The following SNRNP200 variants were observed in gnomAD, a reference collection of about 807,000 sequenced individuals.
SNRNP200 encodes the protein U5 small nuclear ribonucleoprotein 200 kDa helicase.
Under a neutral mutation model 255.2 loss-of-function variants are expected in SNRNP200, and 66 were observed. The ratio of observed to expected loss-of-function variants is 0.26; its 90% CI spans 0.21 to 0.32. SNRNP200 has a LOEUF of 0.32. Ranked by LOEUF, SNRNP200 falls within the 10% of genes least tolerant of loss-of-function variation. The probability of loss-of-function intolerance (pLI) is 1.00; values close to 1 mark genes in which losing one functional copy is unlikely to be tolerated. For synonymous variants in SNRNP200, 939 were observed against 1,027.8 expected (o/e 0.91, Z 1.65); for missense variants, 1,585 against 2,749.8 (o/e 0.58, Z 9.47).
At chr2:96,304,525 CT>C (rs1460866902) in intron 2 of SNRNP200, among the ~76,000 whole-genome samples, 179 bp downstream of exon 2, 1 of 152,210 alleles carries the variant, frequency 6.6e-6, no homozygotes, top group East Asian at 1.9e-4. Flanking sequence ...TTATTTTCCA[CT>C]TGAGATGCAC....
Position 96,287,092 on chromosome 2 carries a change from C to G in SNRNP200, c.3553G>C (p.Glu1185Gln). Residue 1185 changes from glutamate (E) to glutamine (Q), a missense_variant, in exon 27 of 45, where the codon GAG becomes CAG. Physicochemically the swap from Glu to Gln is conservative, Grantham distance 29 (BLOSUM62 2). This residue lies in a region of SNRNP200 where 719 missense variants were observed against 1,091.1 expected (regional missense o/e 0.66). Coordinates refer to ENST00000323853, the MANE Select transcript of SNRNP200 (RefSeq NM_014014.5). This position sits in a 1 kb window ranked among gnomAD's most constrained non-coding sequence, Gnocchi z 5.7. Reference protein sequence around the residue: ...HKYVHLFPKLELSVHLQPITR... With the variant: ...HKYVHLFPKLQLSVHLQPITR... ...ATAGGCTGCAGGTGCACTGACAACT[C>G]CAACTTGGGAAACAGATGGACATAT... 6.2e-7 allele frequency: 1 copy of G among 1,614,100 alleles called. No individual in the cohort carries two copies. The highest frequency in any genetic ancestry group is 8.5e-7 in the Non-Finnish European group (1 of 1,179,952).
At chr2:96,296,473 C>T (rs997230983) in intron 13 of SNRNP200, 63 bp downstream of exon 13, 3 of 1,551,316 alleles carry the variant, frequency 1.9e-6, no homozygotes, top group African/African-American at 2.7e-5. Flanking sequence ...GAGGTCCAGG[C>T]CTGTCCACAA....
In SNRNP200 at chr2:96,293,462, A is replaced by G. The variant is rs748219000; in HGVS notation, c.1890T>C (p.Ala630=). The change falls in exon 15 of 45, where the codon GCT becomes GCC. Residue 630 remains alanine, a synonymous_variant. Transcript: ENST00000323853. ...TGTTTCGGATGGCCCTGGCCACTAA[A>G]GCTTCTAAGACAGGACCTCTGTCAT... ...LHDDRGPVLE[A]LVARAIRNIE... The G allele has an allele frequency of 1.6e-5, 25 of 1,612,728 alleles. No homozygotes were observed. Among genetic ancestry groups the G allele is most frequent in the African/African-American group, 2.7e-5 (2 of 74,904 alleles).
chr2:96,298,151 C>G, intron 9 of SNRNP200, 133 bp downstream of exon 9: 1 of 1,277,044 alleles, frequency 7.8e-7, no homozygotes, highest in Non-Finnish European at 1.1e-6. Context: ...AACCTGTATG[C>G]ACTGATAAAC....
Position 96,287,982 on chromosome 2 carries a change from G to C in SNRNP200, c.3259-13C>G, listed in dbSNP as rs780757267. On this transcript the variant is annotated splice_polypyrimidine_tract_variant and intron_variant, in intron 24 of 44. Coordinates refer to ENST00000323853, the MANE Select transcript of SNRNP200 (RefSeq NM_014014.5). The surrounding 1 kb of genome is among the most constrained non-coding windows in gnomAD (Gnocchi z 5.7). ...ACCGGCCAGCCGACTAAGCAAAGAA[G>C]CAGCATTCCCACTGTTAAGTCTCGA... is the stretch of plus-strand genomic sequence containing the variant. The C allele has an allele frequency of 6.2e-7, 1 of 1,612,328 alleles. No homozygotes were observed. The highest frequency in any genetic ancestry group is 1.1e-5 in the South Asian group (1 of 91,040).
At chr2:96,289,472 T>C (rs1343708860) in intron 21 of SNRNP200, 93 bp from the exon 22 acceptor site, 10 of 1,427,594 alleles carry the variant, frequency 7.0e-6, no homozygotes, top group Non-Finnish European at 8.8e-6. Flanking sequence ...AGGTTTTTTG[T>C]ACTTTTTTTT....
In SNRNP200 at chr2:96,278,732, T is replaced by A; in HGVS notation, c.5324-21A>T. The stretch of plus-strand genomic sequence containing the variant: ...GATGCCTATGGAGGCGAGAGGTGAG[T>A]GGGGAGCCTCAAGAAGATGCCCAGC... On this transcript the variant is annotated intron_variant, in intron 37 of 44. Transcript: ENST00000323853. The surrounding 1 kb of genome is among the most constrained non-coding windows in gnomAD (Gnocchi z 6.9). The A allele has an allele frequency of 6.2e-7, 1 of 1,613,968 alleles. No individual in the cohort carries two copies. Among genetic ancestry groups the A allele is most frequent in the Non-Finnish European group, 8.5e-7 (1 of 1,179,978 alleles).
Position 96,283,379 on chromosome 2 carries a change from T to G in SNRNP200, c.4764-27A>C. ...TGTGCGGTACAGGCACTGGCTCAGCTCAGAGTAGTTCAATTCCTGGCAGAC... is the reference window on the plus strand; with the variant it reads ...TGTGCGGTACAGGCACTGGCTCAGCGCAGAGTAGTTCAATTCCTGGCAGAC... On this transcript the variant is annotated intron_variant, in intron 33 of 44. Transcript: ENST00000323853. The surrounding 1 kb of genome is among the most constrained non-coding windows in gnomAD (Gnocchi z 4.7). The G allele has an allele frequency of 1.2e-6, 2 of 1,614,004 alleles. No individual in the cohort carries two copies. Among genetic ancestry groups the G allele is most frequent in the Middle Eastern group, 1.6e-4 (1 of 6,062 alleles).
chr2:96,296,861 A>G (rs1031229839), intron 12 of SNRNP200, 72 bp downstream of exon 12: 14 of 1,605,882 alleles, frequency 8.7e-6, no homozygotes, highest in African/African-American at 1.3e-5. Context: ...GGGGGTGGAA[A>G]TAAAAAACAA....
At chr2:96,299,504 CTAAAT>C in intron 5 of SNRNP200, 77 bp from the exon 6 acceptor site, 1 of 1,215,350 alleles carries the variant, frequency 8.2e-7, no homozygotes, top group South Asian at 1.2e-5. Flanking sequence ...TCAAGTCACC[CTAAAT>C]TAGCTCAATG....
At position 96,291,466 on chromosome 2, in the gene SNRNP200, C is replaced by G. The variant is rs975195869; in HGVS notation, c.2347G>C (p.Ala783Pro). The G allele has an allele frequency of 6.2e-7, 1 of 1,613,132 alleles. No homozygotes were observed. The highest frequency in any genetic ancestry group is 8.5e-7 in the Non-Finnish European group (1 of 1,179,226). ...ELKDLLPYGF[A>P]IHHAGMTRVD... ...CTGGTCATGCCTGCGTGATGAATAGCAAAGCCATAAGGCAGAAGATCCTTC... is the reference window on the plus strand; with the variant it reads ...CTGGTCATGCCTGCGTGATGAATAGGAAAGCCATAAGGCAGAAGATCCTTC... Residue 783 changes from alanine (A) to proline (P), a missense_variant, in exon 18 of 45, where the codon GCT becomes CCT. By Grantham distance (27) the Ala-to-Pro change is conservative. Transcript: ENST00000323853. This position sits in a 1 kb window ranked among gnomAD's most constrained non-coding sequence, Gnocchi z 4.2.
chr2:96,276,472 T>G, intron 43 of SNRNP200: 1 of 212,072 alleles, frequency 4.7e-6, no homozygotes, highest in Non-Finnish European at 9.7e-6. Context: ...CCTGGGCTGG[T>G]GTGCAGTGGG....
At chr2:96,281,571 T>G in intron 35 of SNRNP200, 1 of 501,960 alleles carries the variant, frequency 2.0e-6, no homozygotes, top group Non-Finnish European at 3.7e-6. Flanking sequence ...ACGTCAAACA[T>G]TCCTCCTGGC....
chr2:96,285,017 TG>T, intron 30 of SNRNP200, 162 bp downstream of exon 30: 1 of 822,994 alleles, frequency 1.2e-6, no homozygotes, highest in Non-Finnish European at 2.0e-6. Context: ...CCCAAAGTGC[TG>T]GGATTACAGG....
At position 96,275,348 on chromosome 2, in the gene SNRNP200, T is replaced by C; in HGVS notation, c.6176A>G (p.Lys2059Arg). The C allele has an allele frequency of 1.2e-6, 2 of 1,612,904 alleles. No individual in the cohort carries two copies. The highest frequency in any genetic ancestry group is 1.7e-6 in the Non-Finnish European group (2 of 1,179,936). Residue 2059 changes from lysine to arginine, a missense_variant and splice_region_variant, in exon 44 of 45, where the codon AAA (lysine) becomes AGA (arginine). Around this residue, in one of 9 missense-constraint regions of SNRNP200, gnomAD observed 279 missense variants for 551.2 expected, o/e 0.51. Transcript: ENST00000323853. ...CACCACCCACCAGCCCTCTTCACGT[T>C]TCTGCAGTGATCCAAAACCAAGAAT... The part of the protein sequence containing the change: ...GPVIAPLFPQ[K>R]REEGWWVVIG...
chr2:96,278,370 AG>A lies in SNRNP200; in HGVS notation c.5489-13del. ...CATGCTGAAGAGCTCTGACAGAAAA[AG>A]GAAATGTGAGAGAAGCTAAAACCAG... On this transcript the variant is annotated splice_polypyrimidine_tract_variant and intron_variant, in intron 38 of 44. Transcript: ENST00000323853. The surrounding 1 kb of genome is among the most constrained non-coding windows in gnomAD (Gnocchi z 6.9). The A allele has an allele frequency of 6.2e-7, 1 of 1,614,182 alleles. No homozygotes were observed. The highest frequency in any genetic ancestry group is 8.5e-7 in the Non-Finnish European group (1 of 1,180,044).
Position 96,291,725 on chromosome 2 carries a change from A to T in SNRNP200, c.2310+26T>A. The T allele has an allele frequency of 6.2e-7, 1 of 1,613,456 alleles. No homozygotes were observed. Among genetic ancestry groups the T allele is most frequent in the Non-Finnish European group, 8.5e-7 (1 of 1,179,800 alleles). ...TGGACACAGCTGCCAGGTAGGAATG[A>T]GAGAACCCAGCTGGCCCCTCCTCAC... On this transcript the variant is annotated intron_variant, in intron 17 of 44. Transcript: ENST00000323853. This position sits in a 1 kb window ranked among gnomAD's most constrained non-coding sequence, Gnocchi z 4.2.
intron 24 of SNRNP200, 123 bp from the exon 25 acceptor site, chr2:96,288,092 A>G: frequency 1.2e-6 from 1 of 830,768 alleles, no homozygotes; most frequent in Non-Finnish European, 2.1e-6. Context: ...CTCAAAGGCA[A>G]AGTCCCCTCT....
In SNRNP200 at chr2:96,290,638, C is replaced by G. The variant is rs772676375; in HGVS notation, c.2553+46G>C. 6.2e-7 allele frequency: 1 copy of G among 1,613,952 alleles called. No homozygotes were observed. The highest frequency in any genetic ancestry group is 1.3e-5 in the African/African-American group (1 of 74,948). ...CTTTCCAGCATCCCTGCATTTCAGG[C>G]AAGGATACTGATCCCTGCTGAGAAT... On this transcript the variant is annotated intron_variant, in intron 19 of 44. Transcript: ENST00000323853. The surrounding 1 kb of genome is among the most constrained non-coding windows in gnomAD (Gnocchi z 4.5).
Sources: allele counts gnomAD v4.1 joint callset (sites outside exome capture counted in the v4.1 genomes callset), GRCh38; gene constraint gnomAD v4.1.1; regional missense constraint gnomAD v4.1.1; non-coding constraint Gnocchi (gnomAD v3.1); transcripts MANE v1.5; gene names NCBI Gene and HGNC (gene_info 2026-07-23, HGNC 2026-07-21).